The following CD302 variants were observed in gnomAD, a reference collection of about 807,000 sequenced individuals.
CD302 encodes the protein CD302 molecule.
CD302 carries 23 observed loss-of-function variants against 26.5 expected under a neutral mutation model. The ratio of observed to expected loss-of-function variants is 0.87; its 90% CI spans 0.62 to 1.23. CD302 has a LOEUF of 1.23. Ranked by LOEUF, CD302 falls within the 50% of genes most tolerant of loss-of-function variation. The pLI is 0.00. For synonymous variants in CD302, 90 were observed against 99.4 expected (o/e 0.91, Z 0.56); for missense variants, 290 against 275.5 (o/e 1.05, Z -0.37).
intron 5 of CD302, among the ~76,000 whole-genome samples, chr2:159,774,905 A>G (rs1475418826): frequency 2.6e-5 from 4 of 152,150 alleles, no homozygotes; most frequent in African/African-American, 7.2e-5. Flanking sequence ...CTTCAACTCC[A>G]TGTTCTCTAC....
At chr2:159,775,803 G>A (rs2125793989) in intron 5 of CD302, among the ~76,000 whole-genome samples, 1 of 152,028 alleles carries the variant, frequency 6.6e-6, no homozygotes, top group African/African-American at 2.4e-5. Context: ...TTGGCAAAGA[G>A]TTTCTTGGTG....
chr2:159,779,923 C>T (rs1039243655), intron 4 of CD302, 82 bp downstream of exon 4: 35 of 1,495,284 alleles, frequency 2.3e-5, no homozygotes, highest in Non-Finnish European at 3.0e-5. Flanking sequence ...TATTGAGGCA[C>T]ACTTATCTCA....
intron 1 of CD302, among the ~76,000 whole-genome samples, chr2:159,796,103 GACAATA>G (rs1171879206): frequency 6.6e-6 from 1 of 152,170 alleles, no homozygotes; most frequent in African/African-American, 2.4e-5. Flanking sequence ...CAGAATGACA[GACAATA>G]ACAATGATTT....
rs778789365 is a variant in CD302 at position 159,780,834 on chromosome 2, T to TA, written c.295+47dup. On this transcript the variant is annotated intron_variant, in intron 3 of 5. Coordinates refer to ENST00000259053, the MANE Select transcript of CD302 (RefSeq NM_014880.5). ...TGAAAAGCCATCAGTTTTGCTACAT[T>TA]AAAAAAAGAACAACAAAGTCACGTC... is the stretch of plus-strand genomic sequence containing the variant. The TA allele has an allele frequency of 5.8e-6, 9 of 1,559,326 alleles. No individual in the cohort carries two copies. In the South Asian group the frequency reaches 6.8e-5, roughly 12 times the overall value.
chr2:159,789,793 G>GT (rs1560050163), intron 1 of CD302, among the ~76,000 whole-genome samples: 1 of 152,278 alleles, frequency 6.6e-6, no homozygotes, highest in East Asian at 1.9e-4. Flanking sequence ...TAAGACTCAT[G>GT]TTTTTTCTTT....
rs1708074442 is a variant in CD302 at position 159,769,722 on chromosome 2, CAG to C, written c.*2127_*2128del. 1 of 152,040 alleles carries C rather than the reference CAG, an allele frequency of 6.6e-6. No individual in the cohort carries two copies. The highest frequency in any genetic ancestry group is 2.4e-5 in the African/African-American group (1 of 41,364). The allele number at this position is 152,040 out of a possible 1,614,324, so 9.4% of individuals were successfully genotyped here. A position where few individuals can be genotyped will look rare whatever the true frequency, so the allele number is the denominator to read the frequency against. ...TGAAACCAAATATTGAAAATTAAAT[CAG>C]AGTTTAAAGCAGCTATTTTGGAAGA... On this transcript the variant is annotated 3_prime_UTR_variant, in exon 6 of 6. Coordinates refer to ENST00000259053, the MANE Select transcript of CD302 (RefSeq NM_014880.5).
chr2:159,796,400 A>C (rs190900513), intron 1 of CD302, among the ~76,000 whole-genome samples: 39 of 152,350 alleles, frequency 2.6e-4, no homozygotes, highest in African/African-American at 8.9e-4. Context: ...GGTTGCAACA[A>C]TTACCCTTCA....
Position 159,780,121 on chromosome 2 carries a change from T to C in CD302, c.353A>G (p.Gln118Arg), listed in dbSNP as rs141287355. Residue 118 changes from glutamine (Q) to arginine (R), a missense_variant, in exon 4 of 6, where the codon CAA becomes CGA. Gln to Arg is a conservative substitution (Grantham distance 43). Coordinates refer to ENST00000259053, the MANE Select transcript of CD302 (RefSeq NM_014880.5). ...SNMTFDKWTD[Q>R]DDDEDLVDTC... Reference sequence around the variant, plus strand: ...GTCAACTAAATCCTCATCATCATCTTGGTCTGTCCACTTATCAAATGTCAT... The same window carrying C: ...GTCAACTAAATCCTCATCATCATCTCGGTCTGTCCACTTATCAAATGTCAT... 1.9e-6 allele frequency: 3 copies of C among 1,614,200 alleles called. No homozygotes were observed. Among genetic ancestry groups the C allele is most frequent in the Non-Finnish European group, 2.5e-6 (3 of 1,180,032 alleles).
intron 1 of CD302, among the ~76,000 whole-genome samples, chr2:159,787,498 G>C (rs527596877): frequency 6.6e-6 from 1 of 150,654 alleles, no homozygotes; most frequent in East Asian, 1.9e-4. Flanking sequence ...TTCTGTAGTA[G>C]CTACCCTGAA....
At chr2:159,772,506 T>C (rs1708183209) in intron 5 of CD302, among the ~76,000 whole-genome samples, 1 of 152,178 alleles carries the variant, frequency 6.6e-6, no homozygotes, top group Admixed American at 6.5e-5. Flanking sequence ...GTAAAGTACC[T>C]GGTTTTGTGT....
intron 4 of CD302, among the ~76,000 whole-genome samples, chr2:159,778,924 A>G (rs1708419236): frequency 6.6e-6 from 1 of 152,104 alleles, no homozygotes; most frequent in Non-Finnish European, 1.5e-5. Flanking sequence ...GGCCAGGATA[A>G]CTTCTGTTCA....
chr2:159,777,884 A>C lies in CD302; in HGVS notation c.496+54T>G. On this transcript the variant is annotated intron_variant, in intron 5 of 5. Coordinates refer to ENST00000259053, the MANE Select transcript of CD302 (RefSeq NM_014880.5). ...CTGTAATGTATTTTAATATGCCAGA[A>C]TTTTGATATATTTTTAATTGTGGGA... The C allele has an allele frequency of 1.0e-5, 9 of 895,278 alleles. No individual in the cohort carries two copies. In the South Asian group the frequency reaches 1.1e-4, roughly 11 times the overall value. The allele number at this position is 895,278 out of a possible 1,614,324, so 55.5% of individuals were successfully genotyped here.
intron 1 of CD302, among the ~76,000 whole-genome samples, chr2:159,792,998 C>T (rs1056949112): frequency 3.3e-5 from 5 of 152,190 alleles, no homozygotes; most frequent in African/African-American, 1.2e-4. Flanking sequence ...TGGATAACTC[C>T]TGTGAGGAGA....
At chr2:159,782,821 T>C (rs1204791498) in intron 2 of CD302, among the ~76,000 whole-genome samples, 1 of 152,190 alleles carries the variant, frequency 6.6e-6, no homozygotes, top group African/African-American at 2.4e-5. Flanking sequence ...AAATAGCCTT[T>C]TTATAATTTT....
At chr2:159,792,517 G>A (rs1197928964) in intron 1 of CD302, among the ~76,000 whole-genome samples, 2 of 151,728 alleles carry the variant, frequency 1.3e-5, no homozygotes, top group African/African-American at 2.4e-5. Context: ...CAAACAGAGG[G>A]AGGAGCAAAC....
intron 1 of CD302, 69 bp downstream of exon 1, chr2:159,798,063 G>C: frequency 1.4e-6 from 2 of 1,414,172 alleles, no homozygotes; most frequent in South Asian, 2.6e-5. Context: ...CGGGGACGAA[G>C]AGCGTGCGTT....
At chr2:159,787,853 G>A (rs901867084) in intron 1 of CD302, among the ~76,000 whole-genome samples, 1 of 152,136 alleles carries the variant, frequency 6.6e-6, no homozygotes, top group African/African-American at 2.4e-5. Flanking sequence ...AGTGGCTCAC[G>A]CCTGTAATCC....
rs371466809 is a variant in CD302, at chr2:159,783,342, A to G, written c.178+17T>C. On this transcript the variant is annotated intron_variant, in intron 2 of 5. Coordinates refer to ENST00000259053, the MANE Select transcript of CD302 (RefSeq NM_014880.5). ...CTAATTTGTGAAAAAACAAACAGAA[A>G]AGAATAAGCCTTTTACCATGGTCAG... 3 of 1,549,674 alleles carry G rather than the reference A, an allele frequency of 1.9e-6. No individual in the cohort carries two copies. The African/African-American group carries it at 4.2e-5, about 22-fold the overall frequency.
Position 159,784,827 on chromosome 2 carries a change from A to C in CD302, c.68-1358T>G, listed in dbSNP as rs572622109. Among the ~76,000 whole-genome samples the C allele has an allele frequency of 2.0e-5, 3 of 152,290 alleles. No individual in the cohort carries two copies. In the South Asian group the frequency reaches 6.2e-4, roughly 32 times the overall value. On this transcript the variant is annotated intron_variant, in intron 1 of 5. Transcript: ENST00000259053. The stretch of plus-strand genomic sequence containing the variant: ...TCCCCAGTACTGACCTCAGCTTCTT[A>C]TATAGCACAGAGCACATGGCCACCA...
Sources: gnomAD v4.1 joint callset for allele counts (sites outside exome capture counted in the v4.1 genomes callset) on GRCh38, gnomAD v4.1.1 for gene constraint, MANE v1.5 for transcripts, NCBI Gene and HGNC (gene_info 2026-07-23, HGNC 2026-07-21) for gene names.